PCDHGA9: variants seen among roughly 807,000 people sequenced by gnomAD.
The protein encoded by PCDHGA9 is protocadherin gamma-A9.
PCDHGA9 carries 37 observed loss-of-function variants against 62.5 expected under a neutral mutation model. That is an observed-to-expected ratio of 0.59 (90% CI 0.46 to 0.78). The LOEUF is 0.78. Among genes scored for constraint, PCDHGA9 ranks in the 30% least tolerant of loss-of-function variants. The pLI is 0.00. For synonymous variants in PCDHGA9, 459 were observed against 484.6 expected (o/e 0.95, Z 0.69); for missense variants, 1,138 against 1,166.2 (o/e 0.98, Z 0.35).
intron 2 of PCDHGA9, among the ~76,000 whole-genome samples, chr5:141,497,540 C>CTT (rs754207034): frequency 2.8e-4 from 38 of 134,912 alleles, no homozygotes; most frequent in African/African-American, 8.9e-4. Context: ...TGCAACAAAC[C>CTT]TTTTTTTTTT....
rs2099747616 is a variant in PCDHGA9 at position 141,493,318 on chromosome 5, TA to T, written c.2425-1487del. 6.6e-6 allele frequency among the ~76,000 whole-genome samples: 1 copy of T among 152,234 alleles called. No homozygotes were observed. Among genetic ancestry groups the T allele is most frequent in the South Asian group, 2.1e-4 (1 of 4,828 alleles). On this transcript the variant is annotated intron_variant, in intron 1 of 3. Coordinates refer to ENST00000573521, the MANE Select transcript of PCDHGA9 (RefSeq NM_018921.3). This position sits in a 1 kb window ranked among gnomAD's most constrained non-coding sequence, Gnocchi z 4.3. ...TTCACAGAGCAAGTAAGAGAGATTC[TA>T]ACCCCTGTCTAACTCCAGAATGTGT...
At chr5:141,423,619 T>C (rs1389600826) in intron 1 of PCDHGA9, 1 of 1,608,090 alleles carries the variant, frequency 6.2e-7, no homozygotes. Context: ...AGCTGAAGAC[T>C]CAGCTATCAT....
chr5:141,503,417 A>T (rs1431276679), intron 2 of PCDHGA9, among the ~76,000 whole-genome samples: 2 of 151,968 alleles, frequency 1.3e-5, no homozygotes, highest in Non-Finnish European at 2.9e-5. Flanking sequence ...CAATATGGTG[A>T]AACCCCATCT....
intron 1 of PCDHGA9, among the ~76,000 whole-genome samples, chr5:141,468,994 T>C (rs2099188173): frequency 6.7e-6 from 1 of 148,824 alleles, no homozygotes; most frequent in Non-Finnish European, 1.5e-5. Context: ...ATTATTGTTT[T>C]TGCTGGGTGC....
chr5:141,491,048 C>G lies in PCDHGA9; in HGVS notation c.2425-3759C>G. On this transcript the variant is annotated intron_variant, in intron 1 of 3. Coordinates refer to ENST00000573521, the MANE Select transcript of PCDHGA9 (RefSeq NM_018921.3). The surrounding 1 kb of genome is among the most constrained non-coding windows in gnomAD (Gnocchi z 6.9). ...GTGGATGCTGATGCAGGCCACAATGCGTGGCTCTCCTACTCACTGTTGCCA... is the reference window on the plus strand; with the variant it reads ...GTGGATGCTGATGCAGGCCACAATGGGTGGCTCTCCTACTCACTGTTGCCA... 1.2e-6 allele frequency: 2 copies of G among 1,614,066 alleles called. No individual in the cohort carries two copies. Among genetic ancestry groups the G allele is most frequent in the Non-Finnish European group, 8.5e-7 (1 of 1,179,952 alleles).
In PCDHGA9 at chr5:141,404,097, T is replaced by C; in HGVS notation, c.1145T>C (p.Val382Ala). 1 of 1,613,584 alleles carries C rather than the reference T, an allele frequency of 6.2e-7. No homozygotes were observed. Among genetic ancestry groups the C allele is most frequent in the Non-Finnish European group, 8.5e-7 (1 of 1,179,550 alleles). Residue 382 changes from valine (V) to alanine (A), a missense_variant, in exon 1 of 4, where the codon GTT (valine) becomes GCT (alanine). Val to Ala is a moderately conservative substitution (Grantham distance 64). Transcript: ENST00000573521. ...HDRDSGKNGQ[V>A]VCSIQENLSF... ...CGAGACTCCGGGAAGAATGGTCAAG[T>C]TGTCTGTTCTATCCAGGAGAATCTA... is the stretch of plus-strand genomic sequence containing the variant.
At position 141,491,423 on chromosome 5, in the gene PCDHGA9, G is replaced by C; in HGVS notation, c.2425-3384G>C. On this transcript the variant is annotated intron_variant, in intron 1 of 3. Transcript: ENST00000573521. The surrounding 1 kb of genome is among the most constrained non-coding windows in gnomAD (Gnocchi z 6.9). ...AACGCAGACGGGGACGGGGGTGGAG[G>C]GCAGTGCTGCAGGCGCCAGGACTCA... 1 of 1,614,126 alleles carries C rather than the reference G, an allele frequency of 6.2e-7. No individual in the cohort carries two copies. Among genetic ancestry groups the C allele is most frequent in the South Asian group, 1.1e-5 (1 of 91,090 alleles).
chr5:141,496,723 T>G (rs1312615861), intron 2 of PCDHGA9, among the ~76,000 whole-genome samples: 3 of 152,212 alleles, frequency 2.0e-5, no homozygotes, highest in Non-Finnish European at 4.4e-5. Context: ...AAGTCATTAA[T>G]GTATTCATTC....
chr5:141,418,890 G>C (rs1449142412), intron 1 of PCDHGA9: 1 of 1,613,934 alleles, frequency 6.2e-7, no homozygotes, highest in South Asian at 1.1e-5. Context: ...AACGACAACA[G>C]CCCAGAAATA....
At chr5:141,458,459 A>G (rs1232004043) in intron 1 of PCDHGA9, among the ~76,000 whole-genome samples, 1 of 152,006 alleles carries the variant, frequency 6.6e-6, no homozygotes, top group African/African-American at 2.4e-5. Flanking sequence ...AATTTTTAAA[A>G]TACCGTACAA....
Position 141,511,350 on chromosome 5 carries a change from C to T in PCDHGA9, c.*177C>T, listed in dbSNP as rs1303365585. Reference sequence around the variant, plus strand: ...CCCAGTCAGCACCTACCCCTTCCCCCCCAGGGGGTTGAATATGCAAAAGCA... The same window carrying T: ...CCCAGTCAGCACCTACCCCTTCCCCTCCAGGGGGTTGAATATGCAAAAGCA... On this transcript the variant is annotated 3_prime_UTR_variant, in exon 4 of 4. Transcript: ENST00000573521. The T allele has an allele frequency of 6.4e-6, 9 of 1,397,076 alleles. No homozygotes were observed. Among genetic ancestry groups the T allele is most frequent in the Non-Finnish European group, 8.6e-6 (9 of 1,050,666 alleles). 86.5% of individuals were successfully genotyped at this position (1,397,076 alleles called of 1,614,324 possible).
chr5:141,491,612 G>C lies in PCDHGA9; in HGVS notation c.2425-3195G>C, dbSNP rs759955730. 1 of 1,613,906 alleles carries C rather than the reference G, an allele frequency of 6.2e-7. No individual in the cohort carries two copies. Among genetic ancestry groups the C allele is most frequent in the South Asian group, 1.1e-5 (1 of 91,080 alleles). ...GACGGCAGTGACTTCACTTTTCTAA[G>C]ACCCCTCAGCGTTCAGCAGCCCACA... On this transcript the variant is annotated intron_variant, in intron 1 of 3. Transcript: ENST00000573521. The surrounding 1 kb of genome is among the most constrained non-coding windows in gnomAD (Gnocchi z 6.9).
intron 1 of PCDHGA9, chr5:141,427,865 G>T: frequency 6.4e-7 from 1 of 1,558,148 alleles, no homozygotes; most frequent in Non-Finnish European, 8.8e-7. Context: ...GCGCCTTCGA[G>T]CTCACGATGC....
Position 141,494,770 on chromosome 5 carries a change from C to T in PCDHGA9, c.2425-37C>T, listed in dbSNP as rs767006872. 43 of 1,614,022 alleles carry T rather than the reference C, an allele frequency of 2.7e-5. No homozygotes were observed. In the East Asian group the frequency reaches 7.6e-4, roughly 28 times the overall value. On this transcript the variant is annotated intron_variant, in intron 1 of 3. Coordinates refer to ENST00000573521, the MANE Select transcript of PCDHGA9 (RefSeq NM_018921.3). ...GCTCGGGTGACATTCTAACTTCTCA[C>T]GGGTACTCAGCCCCTTTCCCTCTGT...
intron 1 of PCDHGA9, among the ~76,000 whole-genome samples, chr5:141,472,071 A>G (rs1243864250): frequency 6.6e-6 from 1 of 152,200 alleles, no homozygotes. Context: ...GTCTGTGGTT[A>G]TATCAATGAG....
intron 3 of PCDHGA9, 149 bp downstream of exon 3, chr5:141,505,630 A>T: frequency 6.8e-7 from 1 of 1,480,262 alleles, no homozygotes; most frequent in East Asian, 2.4e-5. Flanking sequence ...AATTCCAAAC[A>T]TAAAGCCTGG....
At position 141,403,159 on chromosome 5, in the gene PCDHGA9, A is replaced by G. The variant is rs778714191; in HGVS notation, c.207A>G (p.Arg69=). ...LAERRVRIVS[R]GRTQLFSLNP... ...AGCGCCGAGTCCGCATCGTCTCTAG[A>G]GGTAGGACGCAGCTTTTCTCTCTGA... Residue 69 remains arginine, a synonymous_variant, in exon 1 of 4, where the codon AGA becomes AGG. Coordinates refer to ENST00000573521, the MANE Select transcript of PCDHGA9 (RefSeq NM_018921.3). 2 of 1,614,002 alleles carry G rather than the reference A, an allele frequency of 1.2e-6. No homozygotes were observed. The highest frequency in any genetic ancestry group is 4.5e-5 in the East Asian group (2 of 44,884).
rs766164142 is a variant in PCDHGA9, at chr5:141,477,910, G to T, written c.2425-16897G>T. ...TGTCACGGGTGGTAGGCTGGGACGC[G>T]GATGCAGGGCACAATGCCTGGCTCT... On this transcript the variant is annotated intron_variant, in intron 1 of 3. Transcript: ENST00000573521. This position sits in a 1 kb window ranked among gnomAD's most constrained non-coding sequence, Gnocchi z 4.9. The T allele has an allele frequency of 6.2e-7, 1 of 1,614,048 alleles. No individual in the cohort carries two copies. Among genetic ancestry groups the T allele is most frequent in the African/African-American group, 1.3e-5 (1 of 74,932 alleles).
At chr5:141,507,932 G>C (rs2099865030) in intron 3 of PCDHGA9, 1 of 152,338 alleles carries the variant, frequency 6.6e-6, no homozygotes, top group Admixed American at 6.5e-5. Context: ...TGCTGAGAGG[G>C]GTTAAGTAAG....
Sources: gnomAD v4.1 joint callset for allele counts (sites outside exome capture counted in the v4.1 genomes callset) on GRCh38, gnomAD v4.1.1 for gene constraint, Gnocchi (gnomAD v3.1) non-coding constraint, MANE v1.5 for transcripts, NCBI Gene and HGNC (gene_info 2026-07-23, HGNC 2026-07-21) for gene names.